Variants in CDCA7L observed in about 807,000 individuals in gnomAD.
CDCA7L encodes the protein cell division cycle-associated 7-like protein.
In CDCA7L, 44 loss-of-function variants were observed where a neutral mutation model predicts 57.4. The ratio of observed to expected loss-of-function variants is 0.77; its 90% CI spans 0.60 to 0.98. CDCA7L has a LOEUF of 0.98. Ranked by LOEUF, CDCA7L falls within the 50% of genes least tolerant of loss-of-function variation. The pLI is 0.00. For synonymous variants in CDCA7L, 236 were observed against 202.8 expected, an observed-to-expected ratio of 1.16 and a Z score of -1.39; for missense variants, 644 against 580.6, an observed-to-expected ratio of 1.11 and a Z score of -1.12.
At chr7:21,940,108 T>TGGCAGAGGGAATGAGA (rs1464247345) in intron 1 of CDCA7L, among the ~76,000 whole-genome samples, 19 of 152,138 alleles carry the variant, frequency 1.2e-4, no homozygotes, top group Non-Finnish European at 2.2e-4. Context: ...ACAGATGCAG[T>TGGCAGAGGGAATGAGA]GGCAGAGGGA....
rs370390458 is a variant in CDCA7L, at chr7:21,945,823, A to T, written c.-19T>A. 2.5e-6 allele frequency: 4 copies of T among 1,597,468 alleles called. No individual in the cohort carries two copies. In the African/African-American group the frequency reaches 4.1e-5, roughly 16 times the overall value. The stretch of plus-strand genomic sequence containing the variant: ...ACTCCATTCTTCCTAACCGGGCTCC[A>T]GTCTCCTCCCAGCACGCGGCCACGG... On this transcript the variant is annotated 5_prime_UTR_variant, in exon 1 of 10. Coordinates refer to ENST00000406877, the MANE Select transcript of CDCA7L (RefSeq NM_018719.5).
At chr7:21,927,647 A>G (rs1785869410) in intron 1 of CDCA7L, among the ~76,000 whole-genome samples, 1 of 152,234 alleles carries the variant, frequency 6.6e-6, no homozygotes, top group African/African-American at 2.4e-5. Context: ...ACTGGCTGAA[A>G]GGCATGAATT....
chr7:21,937,818 T>C (rs1786220006), intron 1 of CDCA7L, among the ~76,000 whole-genome samples: 1 of 152,106 alleles, frequency 6.6e-6, no homozygotes, highest in South Asian at 2.1e-4. Context: ...TTAACTAATT[T>C]TCAACAAGGA....
intron 1 of CDCA7L, among the ~76,000 whole-genome samples, chr7:21,918,081 T>A (rs1046661397): frequency 1.3e-5 from 2 of 152,200 alleles, no homozygotes; most frequent in African/African-American, 4.8e-5. Context: ...ATGATTAGAT[T>A]CAGGTTATGT....
chr7:21,921,889 C>T (rs1035412826), intron 1 of CDCA7L, among the ~76,000 whole-genome samples: 1 of 152,068 alleles, frequency 6.6e-6, no homozygotes, highest in African/African-American at 2.4e-5. Context: ...TGTTTGTCTA[C>T]TCTGTCTTTA....
intron 7 of CDCA7L, 41 bp from the exon 8 acceptor site, chr7:21,904,300 G>T: frequency 6.5e-7 from 1 of 1,536,598 alleles, no homozygotes; most frequent in Admixed American, 2.0e-5. Flanking sequence ...ACAGGGATAT[G>T]CTGATGCCCA....
intron 1 of CDCA7L, among the ~76,000 whole-genome samples, chr7:21,933,158 C>T (rs1200207363): frequency 6.6e-6 from 1 of 152,052 alleles, no homozygotes; most frequent in Non-Finnish European, 1.5e-5. Flanking sequence ...ACAACAGATG[C>T]TGGAGGGGAT....
chr7:21,920,187 G>A (rs1332989589), intron 1 of CDCA7L, among the ~76,000 whole-genome samples: 1 of 152,166 alleles, frequency 6.6e-6, no homozygotes, highest in Non-Finnish European at 1.5e-5. Flanking sequence ...ACAGCAAAAA[G>A]GGCAAATAAT....
chr7:21,900,945 C>G lies in CDCA7L; in HGVS notation c.*1377G>C, dbSNP rs1784782522. On this transcript the variant is annotated 3_prime_UTR_variant, in exon 10 of 10. Transcript: ENST00000406877. ...AATGTTTATTGCATCAAACAACTTA[C>G]TTGATCATTATCATTAGTAGCAAGC... The G allele has an allele frequency of 6.4e-6, 7 of 1,086,414 alleles. No individual in the cohort carries two copies. The highest frequency in any genetic ancestry group is 3.2e-5 in the African/African-American group (2 of 62,256). 67.3% of individuals were successfully genotyped at this position (1,086,414 alleles called of 1,614,324 possible).
rs1251914494 is a variant in CDCA7L at position 21,945,641 on chromosome 7, C to T, written c.24+140G>A. 3.8e-6 allele frequency: 4 copies of T among 1,039,826 alleles called. No homozygotes were observed. In the Admixed American group the frequency reaches 7.7e-5, roughly 20 times the overall value. The allele number at this position is 1,039,826 out of a possible 1,614,324, so 64.4% of individuals were successfully genotyped here. The stretch of plus-strand genomic sequence containing the variant: ...CACCTGCAGGGCGCGCCCACTCCGG[C>T]ACTCAACCGGCTGGGCGCGCCAGAT... On this transcript the variant is annotated intron_variant, in intron 1 of 9. Transcript: ENST00000406877.
intron 4 of CDCA7L, among the ~76,000 whole-genome samples, chr7:21,906,984 T>C (rs773767787): frequency 1.3e-5 from 2 of 152,186 alleles, no homozygotes; most frequent in Non-Finnish European, 1.5e-5. Flanking sequence ...ACAATTCATT[T>C]TGCACACGTG....
At chr7:21,909,500 C>A (rs1471524768) in intron 3 of CDCA7L, among the ~76,000 whole-genome samples, 5 of 151,996 alleles carry the variant, frequency 3.3e-5, no homozygotes, top group African/African-American at 1.2e-4. Flanking sequence ...TCTCGTTGGA[C>A]TAAAGTTAGA....
chr7:21,926,799 C>A (rs10950883), intron 1 of CDCA7L, among the ~76,000 whole-genome samples: 1 of 152,102 alleles, frequency 6.6e-6, no homozygotes, highest in South Asian at 2.1e-4. Flanking sequence ...CTTAAGCCTG[C>A]GAGTTTGAGG....
intron 2 of CDCA7L, among the ~76,000 whole-genome samples, chr7:21,915,325 C>G (rs555704472): frequency 1.5e-4 from 23 of 152,078 alleles, no homozygotes; most frequent in Non-Finnish European, 2.6e-4. Flanking sequence ...GCAACCAGGA[C>G]CAGTCCAACT....
intron 8 of CDCA7L, 159 bp downstream of exon 8, chr7:21,903,951 C>T (rs1445451590): frequency 1.4e-5 from 8 of 584,624 alleles, no homozygotes; most frequent in Non-Finnish European, 2.2e-5. Flanking sequence ...CAGAAGGAAT[C>T]CCTATTTTTC....
At chr7:21,911,387 C>A (rs1032799192) in intron 3 of CDCA7L, among the ~76,000 whole-genome samples, 6 of 151,988 alleles carry the variant, frequency 3.9e-5, no homozygotes, top group Non-Finnish European at 8.8e-5. Context: ...CCCCAAAAAC[C>A]CCCTAAGGCA....
At chr7:21,928,774 C>CA (rs1159226170) in intron 1 of CDCA7L, among the ~76,000 whole-genome samples, 3 of 151,368 alleles carry the variant, frequency 2.0e-5, no homozygotes, top group Non-Finnish European at 2.9e-5. Context: ...GAAAAAGGAA[C>CA]AAAAAAAGCC....
At chr7:21,908,923 G>C (rs994642542) in intron 3 of CDCA7L, among the ~76,000 whole-genome samples, 1 of 152,188 alleles carries the variant, frequency 6.6e-6, no homozygotes, top group Non-Finnish European at 1.5e-5. Flanking sequence ...AATGCTGACT[G>C]GTCTCCTCTA....
chr7:21,932,811 T>C (rs148461423), intron 1 of CDCA7L, among the ~76,000 whole-genome samples: 30,680 of 152,062 alleles, frequency 0.2, 3,838 homozygotes, highest in East Asian at 0.5. Context: ...TGGGATCTAA[T>C]TAAACTAAAG....
Sources: gnomAD v4.1 joint callset for allele counts (sites outside exome capture counted in the v4.1 genomes callset) on GRCh38, gnomAD v4.1.1 for gene constraint, MANE v1.5 for transcripts, NCBI Gene and HGNC (gene_info 2026-07-23, HGNC 2026-07-21) for gene names.